Variants in CNOT6 observed in about 807,000 individuals in gnomAD.
The protein encoded by CNOT6 is CCR4-NOT transcription complex subunit 6.
CNOT6 carries 12 observed loss-of-function variants against 61.2 expected under a neutral mutation model. The ratio of observed to expected loss-of-function variants is 0.20; its 90% CI spans 0.13 to 0.32. The LOEUF is 0.32. Ranked by LOEUF, CNOT6 falls within the 10% of genes least tolerant of loss-of-function variation. The pLI is 1.00. For synonymous variants in CNOT6, 225 were observed against 240.6 expected (o/e 0.94, Z 0.60); for missense variants, 405 against 663.9 (o/e 0.61, Z 4.28).
chr5:180,508,184 G>T (rs563137132), intron 1 of CNOT6, among the ~76,000 whole-genome samples: 1 of 151,442 alleles, frequency 6.6e-6, no homozygotes, highest in South Asian at 2.1e-4. Flanking sequence ...AGTAAAATGG[G>T]CTAGAGTTGG....
At chr5:180,537,887 C>G (rs1441555184) in intron 2 of CNOT6, among the ~76,000 whole-genome samples, 1 of 149,518 alleles carries the variant, frequency 6.7e-6, no homozygotes, top group Non-Finnish European at 1.5e-5. Flanking sequence ...AAGTGACTAA[C>G]TTCAGATCTT....
At chr5:180,498,616 G>C (rs945702502) in intron 1 of CNOT6, among the ~76,000 whole-genome samples, 1 of 152,274 alleles carries the variant, frequency 6.6e-6, no homozygotes, top group Admixed American at 6.5e-5. Context: ...TCTAGATTTT[G>C]AAGGACCAGC....
intron 1 of CNOT6, among the ~76,000 whole-genome samples, chr5:180,524,184 T>C (rs1757993659): frequency 6.6e-6 from 1 of 152,222 alleles, no homozygotes; most frequent in East Asian, 1.9e-4. Context: ...AAAATTCTTT[T>C]GTAATTCTTG....
chr5:180,516,843 C>A (rs1192696262), intron 1 of CNOT6, among the ~76,000 whole-genome samples: 1 of 152,164 alleles, frequency 6.6e-6, no homozygotes, highest in African/African-American at 2.4e-5. Flanking sequence ...TGCAGAAAAT[C>A]CCACATTCTC....
At chr5:180,549,653 A>G (rs1263686023) in intron 2 of CNOT6, among the ~76,000 whole-genome samples, 1 of 152,142 alleles carries the variant, frequency 6.6e-6, no homozygotes, top group Non-Finnish European at 1.5e-5. Context: ...CGTTTCAAAA[A>G]AAAAAAGGAT....
intron 1 of CNOT6, among the ~76,000 whole-genome samples, chr5:180,504,426 T>A (rs1757032194): frequency 6.6e-6 from 1 of 152,154 alleles, no homozygotes. Context: ...CAGCCTAGAG[T>A]AAATATTGAA....
At chr5:180,537,796 TTC>T (rs1242102292) in intron 2 of CNOT6, among the ~76,000 whole-genome samples, 6 of 113,020 alleles carry the variant, frequency 5.3e-5, no homozygotes, top group African/African-American at 1.7e-4. Flanking sequence ...TTATTCCTCT[TTC>T]TCTCTCTTTT....
At chr5:180,544,573 G>A (rs191699421) in intron 2 of CNOT6, among the ~76,000 whole-genome samples, 6 of 151,930 alleles carry the variant, frequency 3.9e-5, no homozygotes. Context: ...CCCAGACTTT[G>A]TGGTTTTCTT....
chr5:180,523,463 C>T (rs1757963011), intron 1 of CNOT6, among the ~76,000 whole-genome samples: 1 of 152,106 alleles, frequency 6.6e-6, no homozygotes, highest in Non-Finnish European at 1.5e-5. Context: ...TTTCACTGAA[C>T]ATGTTTGATT....
chr5:180,512,661 A>C (rs1053064398), intron 1 of CNOT6, among the ~76,000 whole-genome samples: 1 of 152,220 alleles, frequency 6.6e-6, no homozygotes, highest in African/African-American at 2.4e-5. Context: ...CAGTGGCGCA[A>C]TGTCTGCTCA....
rs538853814 is a variant in CNOT6 at position 180,536,373 on chromosome 5, G to A, written c.112+6985G>A. On this transcript the variant is annotated intron_variant, in intron 2 of 11. Coordinates refer to ENST00000261951, the MANE Select transcript of CNOT6 (RefSeq NM_001370472.1). ...GTAACCCTTTGTCAGATGTGTAGTTGCCAATATTTTCTCTCATTCTGTAGT... is the reference window on the plus strand; with the variant it reads ...GTAACCCTTTGTCAGATGTGTAGTTACCAATATTTTCTCTCATTCTGTAGT... 7.9e-5 allele frequency among the ~76,000 whole-genome samples: 12 copies of A among 151,958 alleles called. No individual in the cohort carries two copies. The South Asian group carries it at 2.5e-3, about 32-fold the overall frequency.
chr5:180,556,675 G>A (rs1759908308), intron 4 of CNOT6, among the ~76,000 whole-genome samples: 2 of 152,152 alleles, frequency 1.3e-5, no homozygotes, highest in African/African-American at 4.8e-5. Flanking sequence ...CTACCATCCC[G>A]GGCGCAGTGG....
intron 11 of CNOT6, 34 bp from the exon 12 acceptor site, chr5:180,573,954 T>C (rs763472800): frequency 7.7e-6 from 11 of 1,425,552 alleles, no homozygotes; most frequent in African/African-American, 5.6e-5. Flanking sequence ...TGTTGTCTTA[T>C]ACGGTGCTTA....
In CNOT6 at chr5:180,550,056, G is replaced by C; in HGVS notation, c.238G>C (p.Asp80His). Residue 80 changes from aspartate to histidine, a missense_variant, in exon 3 of 12, where the codon GAC (aspartate) becomes CAC (histidine). Coordinates refer to ENST00000261951, the MANE Select transcript of CNOT6 (RefSeq NM_001370472.1). ...CAAGCTTCACAATCTGGTGTATTTGGACCTGTCATCTAATAAAATTCGTAG... is the reference window on the plus strand; with the variant it reads ...CAAGCTTCACAATCTGGTGTATTTGCACCTGTCATCTAATAAAATTCGTAG... ...IAKLHNLVYL[D>H]LSSNKIRSLP... 1 of 1,614,016 alleles carries C rather than the reference G, an allele frequency of 6.2e-7. No individual in the cohort carries two copies. Among genetic ancestry groups the C allele is most frequent in the Non-Finnish European group, 8.5e-7 (1 of 1,179,976 alleles).
At chr5:180,545,232 C>T (rs1043778422) in intron 2 of CNOT6, among the ~76,000 whole-genome samples, 1 of 152,066 alleles carries the variant, frequency 6.6e-6, no homozygotes, top group African/African-American at 2.4e-5. Context: ...TGTGTACACC[C>T]GTGAAACCAT....
intron 1 of CNOT6, among the ~76,000 whole-genome samples, chr5:180,525,819 A>G (rs1758074133): frequency 6.6e-6 from 1 of 152,192 alleles, no homozygotes; most frequent in African/African-American, 2.4e-5. Context: ...GTGTGTTTCT[A>G]GGCGGGGGCG....
At chr5:180,497,027 T>A (rs1182683387) in intron 1 of CNOT6, among the ~76,000 whole-genome samples, 3 of 152,152 alleles carry the variant, frequency 2.0e-5, no homozygotes, top group Non-Finnish European at 4.4e-5. Context: ...GTACATGTAG[T>A]TTAAAAGTAT....
At chr5:180,500,733 G>A (rs536187063) in intron 1 of CNOT6, among the ~76,000 whole-genome samples, 5 of 152,198 alleles carry the variant, frequency 3.3e-5, no homozygotes, top group Non-Finnish European at 7.3e-5. Context: ...TGCTACCTTT[G>A]TGGGGCTTAG....
At chr5:180,553,349 A>T in intron 3 of CNOT6, 37 bp from the exon 4 acceptor site, 1 of 1,439,922 alleles carries the variant, frequency 6.9e-7, no homozygotes, top group Non-Finnish European at 9.8e-7. Context: ...AAAGGCTAAC[A>T]TATTTTTCTG....
Sources: gnomAD v4.1 joint callset for allele counts (sites outside exome capture counted in the v4.1 genomes callset) on GRCh38, gnomAD v4.1.1 for gene constraint, MANE v1.5 for transcripts, NCBI Gene and HGNC (gene_info 2026-07-23, HGNC 2026-07-21) for gene names.